Variants in DOCK2 observed in about 807,000 individuals in gnomAD.
DOCK2 encodes dedicator of cytokinesis protein 2.
Under a neutral mutation model 248.9 loss-of-function variants are expected in DOCK2, and 87 were observed. The ratio of observed to expected loss-of-function variants is 0.35; its 90% confidence interval spans 0.29 to 0.42. The LOEUF is 0.42. Ranked by LOEUF, DOCK2 falls within the 10% of genes least tolerant of loss-of-function variation. The pLI, the probability that DOCK2 is intolerant of heterozygous loss-of-function variation, is 1.00. For missense variants in DOCK2, 1,747 were observed against 2,300.2 expected, an observed-to-expected ratio of 0.76 and a Z score of 4.92; for synonymous variants, 805 against 821.6, an observed-to-expected ratio of 0.98 and a Z score of 0.35.
intron 27 of DOCK2, among the ~76,000 whole-genome samples, chr5:169,954,361 C>T (rs1025127398): frequency 6.6e-6 from 1 of 152,140 alleles, no homozygotes; most frequent in African/African-American, 2.4e-5. Flanking sequence ...TATAACATTC[C>T]ATTATGTAGA....
chr5:169,979,935 G>A (rs927477623), intron 27 of DOCK2, among the ~76,000 whole-genome samples: 3 of 152,130 alleles, frequency 2.0e-5, no homozygotes, highest in African/African-American at 7.2e-5. Context: ...AATGAAGAAT[G>A]GAAGTTTCTC....
intron 27 of DOCK2, chr5:169,980,254 T>A (rs1777892779): frequency 6.6e-6 from 1 of 152,028 alleles, no homozygotes; most frequent in East Asian, 1.9e-4. Flanking sequence ...TCATAAAAAA[T>A]AAAACCTACC....
chr5:169,681,378 C>T (rs190913960), intron 6 of DOCK2, among the ~76,000 whole-genome samples: 1 of 151,724 alleles, frequency 6.6e-6, no homozygotes, highest in African/African-American at 2.4e-5. Context: ...CCCACCTCGG[C>T]CTCCCAAAGT....
chr5:169,981,608 A>G (rs1777938654), intron 27 of DOCK2, among the ~76,000 whole-genome samples: 1 of 152,122 alleles, frequency 6.6e-6, no homozygotes, highest in African/African-American at 2.4e-5. Context: ...AAACTTCACT[A>G]TGGCAAAGTT....
At chr5:170,009,497 C>G (rs1561878612) in intron 32 of DOCK2, among the ~76,000 whole-genome samples, 1 of 152,098 alleles carries the variant, frequency 6.6e-6, no homozygotes, top group Admixed American at 6.5e-5. Context: ...CCTGAATCCT[C>G]CTTTATAAAT....
intron 19 of DOCK2, 102 bp from the exon 20 acceptor site, chr5:169,716,111 T>A: frequency 1.9e-6 from 2 of 1,032,456 alleles, no homozygotes; most frequent in Non-Finnish European, 2.9e-6. Context: ...ATGTGGTGGA[T>A]GTGTGCTCTC....
chr5:169,906,354 AG>A (rs1441139843), intron 27 of DOCK2, among the ~76,000 whole-genome samples: 1 of 152,228 alleles, frequency 6.6e-6, no homozygotes, highest in African/African-American at 2.4e-5. Flanking sequence ...GCATTCAATA[AG>A]CATTAGCCAG....
Position 170,019,046 on chromosome 5 carries a change from A to AC in DOCK2, c.3321dup (p.Ile1108HisfsTer11). ...CCCTGAGGCTGAGCTCCGGAAAGCC[A>AC]CCATACCAATCTTCTTCGACATGAT... On this transcript the variant is annotated frameshift_variant, in exon 33 of 52. Transcript: ENST00000520908. LOFTEE classifies it high-confidence loss of function. The AC allele has an allele frequency of 6.2e-7, 1 of 1,614,152 alleles. No individual in the cohort carries two copies. The highest frequency in any genetic ancestry group is 8.5e-7 in the Non-Finnish European group (1 of 1,179,982).
chr5:169,797,272 T>C (rs1240121723), intron 25 of DOCK2, among the ~76,000 whole-genome samples: 1 of 152,192 alleles, frequency 6.6e-6, no homozygotes, highest in Non-Finnish European at 1.5e-5. Flanking sequence ...TGGAGCTGGA[T>C]TGTGGCTGTG....
intron 19 of DOCK2, among the ~76,000 whole-genome samples, chr5:169,715,722 C>T (rs915229455): frequency 6.6e-6 from 1 of 151,794 alleles, no homozygotes; most frequent in African/African-American, 2.4e-5. Flanking sequence ...GTGTACTCAC[C>T]ACCCAGAAGA....
intron 21 of DOCK2, 133 bp from the exon 22 acceptor site, chr5:169,718,524 A>T (rs1762021847): frequency 1.1e-6 from 1 of 879,396 alleles, no homozygotes; most frequent in African/African-American, 1.7e-5. Flanking sequence ...AGTTATCTTT[A>T]TGCTTACAAA....
intron 9 of DOCK2, among the ~76,000 whole-genome samples, chr5:169,691,685 G>T (rs1220042904): frequency 1.3e-5 from 2 of 152,074 alleles, no homozygotes; most frequent in Admixed American, 6.5e-5. Context: ...CATGTGTCTT[G>T]CTGGCCTTAT....
At chr5:169,683,373 G>T (rs1033680141) in intron 7 of DOCK2, among the ~76,000 whole-genome samples, 1 of 149,088 alleles carries the variant, frequency 6.7e-6, no homozygotes, top group Non-Finnish European at 1.5e-5. Context: ...GGGATCACAG[G>T]TGCATGCCAA....
intron 27 of DOCK2, among the ~76,000 whole-genome samples, chr5:169,910,248 G>T (rs1405551481): frequency 6.6e-6 from 1 of 152,116 alleles, no homozygotes; most frequent in East Asian, 1.9e-4. Flanking sequence ...GTTAGAAGTG[G>T]CCATCTGAGA....
At chr5:169,785,926 G>C (rs1193920419) in intron 25 of DOCK2, among the ~76,000 whole-genome samples, 1 of 152,158 alleles carries the variant, frequency 6.6e-6, no homozygotes, top group African/African-American at 2.4e-5. Flanking sequence ...TGGGCAGTTA[G>C]AGTCAAACGT....
intron 8 of DOCK2, among the ~76,000 whole-genome samples, chr5:169,684,994 C>T (rs1242126802): frequency 6.6e-6 from 1 of 152,206 alleles, no homozygotes; most frequent in Admixed American, 6.5e-5. Flanking sequence ...TGCTCCAAAT[C>T]CTCTGTAGCA....
chr5:169,700,276 A>G, intron 13 of DOCK2, 137 bp downstream of exon 13: 3 of 1,285,246 alleles, frequency 2.3e-6, no homozygotes, highest in Non-Finnish European at 3.1e-6. Flanking sequence ...GGTAACAACT[A>G]AAAATGATGT....
rs1561595104 is a variant in DOCK2, at chr5:169,681,813, C to A, written c.540C>A (p.Val180=). 1 of 1,613,924 alleles carries A rather than the reference C, an allele frequency of 6.2e-7. No homozygotes were observed. ...TCTTGGACCCTGATAATACCAGTGT[C>A]ATCAGCTTGTTCCATGCACATGAGG... The part of the protein sequence containing the change: ...GNILDPDNTS[V]ISLFHAHEEA... The change falls in exon 7 of 52, where the codon GTC becomes GTA. Residue 180 remains valine (V), a synonymous_variant. Coordinates refer to ENST00000520908, the MANE Select transcript of DOCK2 (RefSeq NM_004946.3).
chr5:170,013,835 C>G (rs558973787), intron 32 of DOCK2, among the ~76,000 whole-genome samples: 2 of 152,148 alleles, frequency 1.3e-5, no homozygotes, highest in African/African-American at 4.8e-5. Context: ...ATGCCAGTAG[C>G]TGGGGTTAAA....
Sources: allele counts gnomAD v4.1 joint callset (sites outside exome capture counted in the v4.1 genomes callset), GRCh38; gene constraint gnomAD v4.1.1; transcripts MANE v1.5; gene names NCBI Gene and HGNC (gene_info 2026-07-23, HGNC 2026-07-21).